Variants in TNPO1 observed in about 807,000 individuals in gnomAD.
TNPO1 encodes transportin 1.
Under a neutral mutation model 119.5 loss-of-function variants are expected in TNPO1, and 8 were observed. The observed-to-expected ratio is 0.07, with a 90% CI of 0.04 to 0.12. The LOEUF is 0.12. TNPO1 is among the 10% of genes least tolerant of loss of function. TNPO1 has a pLI of 1.00. For missense variants in TNPO1, 576 were observed against 1,089.8 expected, an observed-to-expected ratio of 0.53 and a Z score of 6.64; for synonymous variants, 362 against 363.0, an observed-to-expected ratio of 1.00 and a Z score of 0.03.
chr5:72,896,483 C>G lies in TNPO1; in HGVS notation c.2169C>G (p.Thr723=). The change falls in exon 19 of 25, where the codon ACC becomes ACG. Residue 723 remains threonine, a synonymous_variant. Transcript: ENST00000337273. ...CIADFMPILG[T]NLNPEFISVC... ...CTGATTTCATGCCAATATTGGGAAC[C>G]AACCTAAATCCAGAATTCATTTCAG... The G allele has an allele frequency of 6.2e-7, 1 of 1,611,676 alleles. No individual in the cohort carries two copies. The highest frequency in any genetic ancestry group is 2.2e-5 in the East Asian group (1 of 44,798).
At chr5:72,853,955 A>C (rs1315180315) in intron 3 of TNPO1, among the ~76,000 whole-genome samples, 1 of 152,212 alleles carries the variant, frequency 6.6e-6, no homozygotes, top group African/African-American at 2.4e-5. Context: ...TGAATTTTTT[A>C]AATGGATTTT....
chr5:72,873,688 G>T (rs1330948695), intron 7 of TNPO1, among the ~76,000 whole-genome samples: 2 of 152,192 alleles, frequency 1.3e-5, no homozygotes, highest in African/African-American at 2.4e-5. Flanking sequence ...GATAATACTA[G>T]AGGTCTGGAG....
At chr5:72,860,436 G>A (rs533819550) in intron 4 of TNPO1, among the ~76,000 whole-genome samples, 14 of 152,240 alleles carry the variant, frequency 9.2e-5, no homozygotes, top group Non-Finnish European at 1.6e-4. Flanking sequence ...ATATTAACAC[G>A]AAACCTTTCT....
intron 16 of TNPO1, 56 bp from the exon 17 acceptor site, chr5:72,893,321 C>T: frequency 1.2e-6 from 2 of 1,604,904 alleles, no homozygotes; most frequent in Admixed American, 1.7e-5. Flanking sequence ...TGTATACAGA[C>T]TTTTTAAGTA....
At chr5:72,818,944 A>G (rs1653497457) in intron 1 of TNPO1, among the ~76,000 whole-genome samples, 1 of 152,194 alleles carries the variant, frequency 6.6e-6, no homozygotes, top group South Asian at 2.1e-4. Context: ...GAGTGTTGGC[A>G]GGTGAAGGAG....
At chr5:72,858,217 G>A (rs886213008) in intron 4 of TNPO1, among the ~76,000 whole-genome samples, 3 of 149,640 alleles carry the variant, frequency 2.0e-5, no homozygotes, top group African/African-American at 7.3e-5. Flanking sequence ...ATGTGAAGGT[G>A]GTTGTGGGTA....
At chr5:72,871,505 C>T (rs184946757) in intron 6 of TNPO1, among the ~76,000 whole-genome samples, 42 of 152,130 alleles carry the variant, frequency 2.8e-4, no homozygotes, top group African/African-American at 1.0e-3. Context: ...GAAGAGGAGA[C>T]AGGACAGATA....
Position 72,897,075 on chromosome 5 carries a change from T to C in TNPO1, c.2262T>C (p.Tyr754=). Residue 754 remains tyrosine, a synonymous_variant, in exon 20 of 25, where the codon TAT becomes TAC. Coordinates refer to ENST00000337273, the MANE Select transcript of TNPO1 (RefSeq NM_002270.4). ...CTCTAGGTATAGAGATGCAGCCTTA[T>C]ATTCCTATGGTGTTGCACCAGCTTG... ...SIQMGIEMQP[Y]IPMVLHQLVE... is the part of the protein sequence containing the mutation. 6.2e-7 allele frequency: 1 copy of C among 1,606,356 alleles called. No homozygotes were observed. Among genetic ancestry groups the C allele is most frequent in the Non-Finnish European group, 8.5e-7 (1 of 1,177,816 alleles).
chr5:72,864,609 C>G (rs1355442199), intron 5 of TNPO1, among the ~76,000 whole-genome samples: 1 of 151,544 alleles, frequency 6.6e-6, no homozygotes, highest in East Asian at 1.9e-4. Flanking sequence ...ATGTAAGTAA[C>G]TTTTTTTTCC....
chr5:72,869,828 TATTG>T (rs1165009742), intron 6 of TNPO1, among the ~76,000 whole-genome samples: 1 of 152,236 alleles, frequency 6.6e-6, no homozygotes, highest in East Asian at 1.9e-4. Context: ...AACAAATTGA[TATTG>T]ATTATGAATA....
At chr5:72,892,201 A>C (rs1038770835) in intron 15 of TNPO1, among the ~76,000 whole-genome samples, 3 of 151,980 alleles carry the variant, frequency 2.0e-5, no homozygotes, top group African/African-American at 7.3e-5. Context: ...ACTCATACAT[A>C]TATGTTGAGT....
chr5:72,904,699 A>G (rs1750016257), intron 23 of TNPO1, among the ~76,000 whole-genome samples: 1 of 152,200 alleles, frequency 6.6e-6, no homozygotes, highest in Admixed American at 6.5e-5. Flanking sequence ...CAGGAGGCTG[A>G]GGCAGGAGAA....
chr5:72,830,306 G>A (rs538136154), intron 1 of TNPO1, among the ~76,000 whole-genome samples: 2 of 152,196 alleles, frequency 1.3e-5, no homozygotes, highest in African/African-American at 4.8e-5. Context: ...AGTTTAAATT[G>A]CTCAGCAGCT....
In TNPO1 at chr5:72,859,259, G is replaced by A. The variant is rs111380187; in HGVS notation, c.356-2549G>A. Among the ~76,000 whole-genome samples the A allele has an allele frequency of 4.1e-3, 618 of 152,156 alleles. 7 individuals carry two copies. The highest frequency in any genetic ancestry group is 0.014 in the African/African-American group (587 of 41,510). On this transcript the variant is annotated intron_variant, in intron 4 of 24. Coordinates refer to ENST00000337273, the MANE Select transcript of TNPO1 (RefSeq NM_002270.4). ...GGACTGGATAATTCTTTGTTGTTGGGCTATTTTGTCTGTGCACTACAGGAT... is the reference window on the plus strand; with the variant it reads ...GGACTGGATAATTCTTTGTTGTTGGACTATTTTGTCTGTGCACTACAGGAT...
intron 1 of TNPO1, among the ~76,000 whole-genome samples, chr5:72,839,486 C>T (rs1744821807): frequency 6.6e-6 from 1 of 152,152 alleles, no homozygotes; most frequent in Admixed American, 6.5e-5. Context: ...ACTTCTTACC[C>T]ATTTTCTGTC....
intron 22 of TNPO1, among the ~76,000 whole-genome samples, chr5:72,902,357 G>A (rs2112494305): frequency 6.6e-6 from 1 of 152,204 alleles, no homozygotes; most frequent in South Asian, 2.1e-4. Flanking sequence ...ATTGATACAG[G>A]TGATAGACGT....
At position 72,910,486 on chromosome 5, in the gene TNPO1, T is replaced by C. The variant is rs1211570583; in HGVS notation, c.*1813T>C. 1 of 152,626 alleles carries C rather than the reference T, an allele frequency of 6.6e-6. No homozygotes were observed. The highest frequency in any genetic ancestry group is 2.4e-5 in the African/African-American group (1 of 41,458). 9.5% of individuals were successfully genotyped at this position (152,626 alleles called of 1,614,324 possible). A position where few individuals can be genotyped will look rare whatever the true frequency, so the allele number is the denominator to read the frequency against. The stretch of plus-strand genomic sequence containing the variant: ...ATGAAGGAAAATGGAGAGATTTTTC[T>C]TTTTAACTCTGCTGGTCAGAGATGA... On this transcript the variant is annotated 3_prime_UTR_variant, in exon 25 of 25. Transcript: ENST00000337273.
intron 9 of TNPO1, chr5:72,878,815 C>CT: frequency 1.4e-5 from 5 of 367,130 alleles, no homozygotes; most frequent in East Asian, 7.7e-5. Flanking sequence ...CAGAGATTTT[C>CT]TTTTTTTCTT....
intron 4 of TNPO1, among the ~76,000 whole-genome samples, chr5:72,860,363 A>T (rs997468998): frequency 1.3e-5 from 2 of 152,234 alleles, no homozygotes; most frequent in African/African-American, 4.8e-5. Flanking sequence ...CTCTTCTGGC[A>T]CTAAAAGATC....
Sources: allele counts gnomAD v4.1 joint callset (sites outside exome capture counted in the v4.1 genomes callset), GRCh38; gene constraint gnomAD v4.1.1; transcripts MANE v1.5; gene names NCBI Gene and HGNC (gene_info 2026-07-23, HGNC 2026-07-21).